ZIM2: variants seen among roughly 807,000 people sequenced by gnomAD.
ZIM2 encodes the protein zinc finger imprinted 2, also known as zinc finger protein 656.
Under a neutral mutation model 38.6 loss-of-function variants are expected in ZIM2, and 14 were observed. That is an observed-to-expected ratio of 0.36 (90% CI 0.24 to 0.57). The LOEUF is 0.57. ZIM2 is among the 20% of genes least tolerant of loss of function. ZIM2 has a pLI of 0.81. For missense variants in ZIM2, 680 were observed against 695.1 expected (o/e 0.98, Z 0.24); for synonymous variants, 247 against 245.8 (o/e 1.00, Z -0.04).
chr19:56,782,134 G>GAGGA lies in ZIM2; in HGVS notation c.571-17_571-14dup. On this transcript the variant is annotated splice_polypyrimidine_tract_variant and intron_variant, in intron 10 of 12. Coordinates refer to ENST00000629319, the MANE Select transcript of ZIM2 (RefSeq NM_001387356.1). Reference sequence around the variant, plus strand: ...TGAAGTCCGGGAACTATCCCAGAGAGAGGAGAAGGGACGTGATTAGAGAGG... The same window carrying GAGGA: ...TGAAGTCCGGGAACTATCCCAGAGAGAGGAAGGAGAAGGGACGTGATTAGAGAGG... The GAGGA allele has an allele frequency of 6.2e-7, 1 of 1,611,974 alleles. No individual in the cohort carries two copies.
intron 6 of ZIM2, 116 bp downstream of exon 6, chr19:56,822,637 G>C (rs776490750): frequency 4.2e-5 from 60 of 1,412,872 alleles, no homozygotes; most frequent in Non-Finnish European, 5.5e-5. Context: ...TTGGGGAAGC[G>C]GAATATACTC....
In ZIM2 at chr19:56,818,722, C is replaced by G; in HGVS notation, c.295-20G>C. The G allele has an allele frequency of 6.2e-7, 1 of 1,612,918 alleles. No homozygotes were observed. Among genetic ancestry groups the G allele is most frequent in the Non-Finnish European group, 8.5e-7 (1 of 1,179,010 alleles). ...AGCATCCTAAAACAGCAAACACAGA[C>G]CTCTCAATGGAGTCTGTCCCCACCG... is the stretch of plus-strand genomic sequence containing the variant. On this transcript the variant is annotated intron_variant, in intron 7 of 12. Coordinates refer to ENST00000629319, the MANE Select transcript of ZIM2 (RefSeq NM_001387356.1).
intron 9 of ZIM2, chr19:56,793,035 C>T (rs2047020997): frequency 6.5e-6 from 1 of 152,712 alleles, no homozygotes; most frequent in African/African-American, 2.4e-5. Flanking sequence ...AGTTTGCCAC[C>T]ATGGTTCCTG....
chr19:56,823,078 C>T (rs1347759901), intron 5 of ZIM2, among the ~76,000 whole-genome samples: 1 of 152,218 alleles, frequency 6.6e-6, no homozygotes, highest in Admixed American at 6.5e-5. Context: ...AAAGCTCAGT[C>T]CAGTAGCTAA....
intron 10 of ZIM2, 178 bp from the exon 11 acceptor site, chr19:56,782,299 G>T: frequency 1.2e-6 from 1 of 808,802 alleles, no homozygotes; most frequent in Non-Finnish European, 1.9e-6. Flanking sequence ...AGTTCCTATT[G>T]CTAATTACTA....
At chr19:56,799,311 A>G (rs538224734) in intron 9 of ZIM2, 1 of 152,342 alleles carries the variant, frequency 6.6e-6, no homozygotes, top group African/African-American at 2.4e-5. Context: ...ACCTGGATGG[A>G]ACCAGAAGCC....
chr19:56,824,168 T>C (rs969449615), intron 4 of ZIM2, 94 bp downstream of exon 4: 1 of 1,522,488 alleles, frequency 6.6e-7, no homozygotes, highest in Non-Finnish European at 8.8e-7. Context: ...CAGAGAGTTA[T>C]CCAGTCCAGA....
chr19:56,780,275 C>T (rs1297312332), intron 11 of ZIM2, among the ~76,000 whole-genome samples: 1 of 142,198 alleles, frequency 7.0e-6, no homozygotes, highest in Non-Finnish European at 1.5e-5. Flanking sequence ...CAGAGTCTCA[C>T]TCTGTCTCCC....
intron 1 of ZIM2, among the ~76,000 whole-genome samples, chr19:56,838,702 G>C (rs1411748166): frequency 1.3e-5 from 2 of 152,202 alleles, no homozygotes. Context: ...AAACTCTTTA[G>C]GCACGTCTCC....
At chr19:56,829,076 C>T (rs747125719) in intron 2 of ZIM2, among the ~76,000 whole-genome samples, 5 of 152,178 alleles carry the variant, frequency 3.3e-5, no homozygotes, top group South Asian at 2.1e-4. Context: ...TGCAGCTGGG[C>T]GCAGTGGCTC....
At chr19:56,787,951 CTT>C (rs1320417775) in intron 10 of ZIM2, among the ~76,000 whole-genome samples, 1 of 151,626 alleles carries the variant, frequency 6.6e-6, no homozygotes, top group Non-Finnish European at 1.5e-5. Context: ...TTTATTGTGT[CTT>C]TTTGATTTTT....
intron 10 of ZIM2, among the ~76,000 whole-genome samples, chr19:56,786,651 G>A (rs908141837): frequency 6.6e-6 from 1 of 151,964 alleles, no homozygotes; most frequent in African/African-American, 2.4e-5. Context: ...GAAATAGGAC[G>A]GCCAGATAAA....
At chr19:56,792,783 C>G (rs1256257477) in intron 9 of ZIM2, among the ~76,000 whole-genome samples, 2 of 152,128 alleles carry the variant, frequency 1.3e-5, no homozygotes, top group African/African-American at 4.8e-5. Flanking sequence ...ATGTAATAAA[C>G]TTGCAAATGC....
Position 56,792,149 on chromosome 19 carries a change from G to A in ZIM2, c.491-2198C>T, listed in dbSNP as rs989657549. Among the ~76,000 whole-genome samples, 5 of 150,934 alleles carry A rather than the reference G, an allele frequency of 3.3e-5. No individual in the cohort carries two copies. The Admixed American group carries it at 3.3e-4, about 10-fold the overall frequency. On this transcript the variant is annotated intron_variant, in intron 9 of 12. Transcript: ENST00000629319. The stretch of plus-strand genomic sequence containing the variant: ...CTCAGAGAAATAGTATATGTTAAAA[G>A]CAAAAGCCAAACCCACATAGGCATA...
chr19:56,781,884 G>A, intron 11 of ZIM2, 69 bp downstream of exon 11: 2 of 1,554,952 alleles, frequency 1.3e-6, no homozygotes. Flanking sequence ...CTGATGAGAG[G>A]ACACGAAGGA....
In ZIM2 at chr19:56,815,527, T is replaced by C. The variant is rs377313937; in HGVS notation, c.490+2219A>G. The C allele has an allele frequency of 2.5e-6, 4 of 1,614,044 alleles. No individual in the cohort carries two copies. The African/African-American group carries it at 4.0e-5, about 16-fold the overall frequency. On this transcript the variant is annotated intron_variant, in intron 9 of 12. Transcript: ENST00000629319. ...ATGAGCAAAGCACTCCCCACACTCCTGACATTCATAGAGCATCCCTCGAGG... is the reference window on the plus strand; with the variant it reads ...ATGAGCAAAGCACTCCCCACACTCCCGACATTCATAGAGCATCCCTCGAGG...
At chr19:56,840,223 G>A (rs1355754268) in intron 1 of ZIM2, among the ~76,000 whole-genome samples, 2 of 152,206 alleles carry the variant, frequency 1.3e-5, no homozygotes, top group African/African-American at 4.8e-5. Context: ...CCGGCTGTCT[G>A]CCCTAATGCC....
At chr19:56,824,505 T>C (rs759567886) in intron 3 of ZIM2, 78 bp from the exon 4 acceptor site, 1 of 1,613,958 alleles carries the variant, frequency 6.2e-7, no homozygotes, top group Non-Finnish European at 8.5e-7. Context: ...TAGATTAGGT[T>C]CCGAAACCTC....
chr19:56,831,574 T>C (rs897527128), intron 2 of ZIM2, among the ~76,000 whole-genome samples: 4 of 152,224 alleles, frequency 2.6e-5, no homozygotes, highest in Admixed American at 2.0e-4. Flanking sequence ...GTGACAAACA[T>C]ACTTTGTTCT....
Sources: gnomAD v4.1 joint callset for allele counts (sites outside exome capture counted in the v4.1 genomes callset) on GRCh38, gnomAD v4.1.1 for gene constraint, MANE v1.5 for transcripts, NCBI Gene and HGNC (gene_info 2026-07-23, HGNC 2026-07-21) for gene names.